Variants in NREP observed in about 807,000 individuals in gnomAD.
NREP encodes neuronal regeneration related protein.
A neutral mutation model predicts 8.6 loss-of-function variants in NREP; 5 were observed. The observed-to-expected ratio is 0.58, with a 90% confidence interval of 0.30 to 1.22. NREP has a LOEUF of 1.22. NREP is among the 50% of genes most tolerant of loss of function. The pLI, the probability that NREP is intolerant of heterozygous loss-of-function variation, is 0.07. For synonymous variants in NREP, 27 were observed against 28.0 expected (o/e 0.96, Z 0.11); for missense variants, 86 against 82.5 (o/e 1.04, Z -0.17).
chr5:111,755,634 G>A, intron 2 of NREP, 136 bp downstream of exon 2: 1 of 950,050 alleles, frequency 1.1e-6, no homozygotes, highest in Non-Finnish European at 1.7e-6. Context: ...CCCAGGAACT[G>A]GAGATAGAAC....
intron 2 of NREP, among the ~76,000 whole-genome samples, chr5:111,968,980 G>A (rs1756724874): frequency 6.6e-6 from 1 of 152,142 alleles, no homozygotes; most frequent in South Asian, 2.1e-4. Context: ...TAGAGTTAAA[G>A]AACTGACTTA....
chr5:111,841,041 G>A (rs1319883676), intron 2 of NREP, among the ~76,000 whole-genome samples: 1 of 152,052 alleles, frequency 6.6e-6, no homozygotes, highest in Non-Finnish European at 1.5e-5. Context: ...TCTTAGAAAA[G>A]GGATTGCATG....
At chr5:111,757,241 G>A (rs1173025679), upstream of NREP, 7 of 328,648 alleles carry the variant, frequency 2.1e-5, no homozygotes, top group East Asian at 1.9e-4. Context: ...GGGGGGGAGG[G>A]GGGATTGGGG....
intron 2 of NREP, among the ~76,000 whole-genome samples, chr5:111,859,719 C>A (rs1753502635): frequency 1.3e-5 from 2 of 152,178 alleles, no homozygotes; most frequent in East Asian, 1.9e-4. Flanking sequence ...CAGAATGGTT[C>A]CAGGAATCTT....
intron 2 of NREP, among the ~76,000 whole-genome samples, chr5:111,955,113 C>T (rs187446077): frequency 8.5e-5 from 13 of 152,244 alleles, no homozygotes; most frequent in African/African-American, 3.1e-4. Context: ...TACTATCAGA[C>T]TTAAGCTATG....
chr5:111,835,023 T>C (rs1051829783), intron 2 of NREP, among the ~76,000 whole-genome samples: 1 of 152,164 alleles, frequency 6.6e-6, no homozygotes, highest in Non-Finnish European at 1.5e-5. Context: ...TGAAATGAAA[T>C]GTAAGAGAGG....
chr5:111,835,100 C>G (rs895016468), intron 2 of NREP, among the ~76,000 whole-genome samples: 1 of 152,078 alleles, frequency 6.6e-6, no homozygotes, highest in African/African-American at 2.4e-5. Flanking sequence ...TTTCCTGTGG[C>G]CAGCATATTA....
intron 2 of NREP, among the ~76,000 whole-genome samples, chr5:111,947,155 T>A (rs1250325277): frequency 1.3e-5 from 2 of 152,056 alleles, no homozygotes; most frequent in African/African-American, 2.4e-5. Flanking sequence ...AAGTCCCTAT[T>A]TTTGTATCCA....
chr5:111,860,860 T>C (rs1458737396), intron 2 of NREP, among the ~76,000 whole-genome samples: 2 of 152,172 alleles, frequency 1.3e-5, no homozygotes, highest in Non-Finnish European at 2.9e-5. Flanking sequence ...ATTTGTAACA[T>C]GGCTTTTATC....
chr5:111,758,219 G>GCA (rs979402586), upstream of NREP: 21 of 985,274 alleles, frequency 2.1e-5, no homozygotes, highest in Non-Finnish European at 2.4e-5. Context: ...GGCTGCGCGT[G>GCA]CACACACACA....
chr5:111,884,093 G>A (rs968075219), intron 2 of NREP, among the ~76,000 whole-genome samples: 3 of 151,982 alleles, frequency 2.0e-5, no homozygotes, highest in Non-Finnish European at 2.9e-5. Flanking sequence ...CAATAAAGAA[G>A]AAAAGAGAGA....
chr5:111,777,315 G>A (rs1218303421), intron 2 of NREP, among the ~76,000 whole-genome samples: 1 of 151,856 alleles, frequency 6.6e-6, no homozygotes, highest in African/African-American at 2.4e-5. Flanking sequence ...CACTGAGAAT[G>A]TTTATGTTTG....
chr5:111,835,823 C>G (rs1159575632), intron 2 of NREP, among the ~76,000 whole-genome samples: 4 of 151,958 alleles, frequency 2.6e-5, no homozygotes, highest in African/African-American at 9.7e-5. Context: ...GTATAAAGTT[C>G]ATAGGGAAAT....
intron 2 of NREP, among the ~76,000 whole-genome samples, chr5:111,888,232 T>G (rs766282565): frequency 6.6e-5 from 10 of 152,248 alleles, no homozygotes; most frequent in Non-Finnish European, 1.2e-4. Flanking sequence ...ATATTTTATT[T>G]TAGTCTGTGC....
At chr5:111,882,618 T>A (rs1754114268) in intron 2 of NREP, among the ~76,000 whole-genome samples, 1 of 152,196 alleles carries the variant, frequency 6.6e-6, no homozygotes, top group Non-Finnish European at 1.5e-5. Flanking sequence ...CCCATCAGAC[T>A]AACAGCTGAT....
At chr5:111,763,356 A>T (rs572410808) in intron 2 of NREP, among the ~76,000 whole-genome samples, 1 of 152,318 alleles carries the variant, frequency 6.6e-6, no homozygotes, top group Admixed American at 6.5e-5. Context: ...AACCTACATG[A>T]CTCTATAAAA....
At chr5:111,863,903 G>C (rs1256236719) in intron 2 of NREP, among the ~76,000 whole-genome samples, 1 of 152,124 alleles carries the variant, frequency 6.6e-6, no homozygotes, top group African/African-American at 2.4e-5. Context: ...TTGGCAATTA[G>C]ATCCAACTGC....
rs753194238 is a variant in NREP at position 111,730,832 on chromosome 5, A to ATGAT, written c.*85_*88dup. 3.5e-6 allele frequency: 5 copies of ATGAT among 1,433,206 alleles called. No individual in the cohort carries two copies. Among genetic ancestry groups the ATGAT allele is most frequent in the Non-Finnish European group, 3.8e-6 (4 of 1,047,586 alleles). The allele number at this position is 1,433,206 out of a possible 1,614,324, so 88.8% of individuals were successfully genotyped here. On this transcript the variant is annotated 3_prime_UTR_variant, in exon 4 of 4. Coordinates refer to ENST00000257435, the MANE Select transcript of NREP (RefSeq NM_004772.4). ...GTCCCATAGTTTCTTCTTATACTTG[A>ATGAT]TGATTTACACAGAAAAAAATCCCAT...
chr5:111,883,497 C>T (rs1020278351), intron 2 of NREP, among the ~76,000 whole-genome samples: 3 of 152,176 alleles, frequency 2.0e-5, no homozygotes, highest in Non-Finnish European at 4.4e-5. Flanking sequence ...CAGAACTCTC[C>T]ACCCCAAATC....
Sources: allele counts gnomAD v4.1 joint callset (sites outside exome capture counted in the v4.1 genomes callset), GRCh38; gene constraint gnomAD v4.1.1; transcripts MANE v1.5; gene names NCBI Gene and HGNC (gene_info 2026-07-23, HGNC 2026-07-21).